The following WDR70 variants were observed in gnomAD, a reference collection of about 807,000 sequenced individuals.
WDR70 encodes the protein WD repeat-containing protein 70.
Under a neutral mutation model 88.6 loss-of-function variants are expected in WDR70, and 53 were observed. That is an observed-to-expected ratio of 0.60 (90% CI 0.48 to 0.75). The LOEUF (loss-of-function observed/expected upper bound fraction) is 0.75. Ranked by LOEUF, WDR70 falls within the 30% of genes least tolerant of loss-of-function variation. The probability of loss-of-function intolerance (pLI) is 0.00; values close to 1 mark genes in which losing one functional copy is unlikely to be tolerated. For missense variants in WDR70, 610 were observed against 823.2 expected (o/e 0.74, Z 3.17); for synonymous variants, 280 against 270.0 (o/e 1.04, Z -0.36).
At chr5:37,711,987 CTTTTTTTT>C (rs70978842) in intron 13 of WDR70, among the ~76,000 whole-genome samples, 5 of 104,004 alleles carry the variant, frequency 4.8e-5, no homozygotes, top group African/African-American at 7.5e-5. Flanking sequence ...TATATTTTTT[CTTTTTTTT>C]TTTTTTTTTT....
chr5:37,409,641 A>G (rs1292645455), intron 5 of WDR70, among the ~76,000 whole-genome samples: 1 of 151,686 alleles, frequency 6.6e-6, no homozygotes, highest in Non-Finnish European at 1.5e-5. Flanking sequence ...AGTAACTGGG[A>G]TTACAGGTGT....
In WDR70 at chr5:37,724,964, G is replaced by A. The variant is rs1318318832; in HGVS notation, c.1628G>A (p.Arg543His). ...PHALPMFREP[R>H]QRSTRKQLEK... is the part of the protein sequence containing the mutation. ...GCCTTGCCTATGTTCCGTGAGCCCC[G>A]CCAACGGAGTACAAGGAAACAGCTG... Residue 543 changes from arginine (R) to histidine (H), a missense_variant, in exon 16 of 18, where the codon CGC becomes CAC. Transcript: ENST00000265107. 9 of 1,613,456 alleles carry A rather than the reference G, an allele frequency of 5.6e-6. No individual in the cohort carries two copies. Among genetic ancestry groups the A allele is most frequent in the Non-Finnish European group, 7.6e-6 (9 of 1,179,710 alleles).
intron 8 of WDR70, among the ~76,000 whole-genome samples, chr5:37,487,623 ATGTATTTTT>A (rs1247189287): frequency 2.0e-3 from 37 of 18,600 alleles, no homozygotes; most frequent in East Asian, 6.3e-3. Flanking sequence ...ATATATATAT[ATGTATTTTT>A]TTTTTTTTTT....
intron 9 of WDR70, among the ~76,000 whole-genome samples, chr5:37,528,907 G>GTTTTTTTTTTTTTTTTTT: frequency 7.7e-6 from 1 of 130,710 alleles, no homozygotes; most frequent in Non-Finnish European, 1.6e-5. Context: ...GTCTAGAGGG[G>GTTTTTTTTTTTTTTTTTT]GTTTTTTTTT....
chr5:37,422,126 G>A (rs1357012065), intron 5 of WDR70, among the ~76,000 whole-genome samples: 2 of 152,136 alleles, frequency 1.3e-5, no homozygotes, highest in South Asian at 2.1e-4. Flanking sequence ...ATATTAATAA[G>A]TAATAAATGA....
At chr5:37,389,200 C>G (rs1333187973) in intron 3 of WDR70, among the ~76,000 whole-genome samples, 1 of 149,994 alleles carries the variant, frequency 6.7e-6, no homozygotes, top group Non-Finnish European at 1.5e-5. Flanking sequence ...TCAAGCGATT[C>G]TCCTGCCTCA....
At chr5:37,713,182 G>C (rs1747564892) in intron 13 of WDR70, among the ~76,000 whole-genome samples, 1 of 152,058 alleles carries the variant, frequency 6.6e-6, no homozygotes, top group Non-Finnish European at 1.5e-5. Context: ...ATCTCATTTG[G>C]GAAGTTACAG....
chr5:37,705,117 T>G (rs1296066380), intron 13 of WDR70, among the ~76,000 whole-genome samples: 1 of 152,156 alleles, frequency 6.6e-6, no homozygotes, highest in African/African-American at 2.4e-5. Flanking sequence ...TATGTTGAGC[T>G]TGAAATACCT....
At chr5:37,450,155 C>T (rs572229635) in intron 7 of WDR70, among the ~76,000 whole-genome samples, 1 of 152,202 alleles carries the variant, frequency 6.6e-6, no homozygotes, top group South Asian at 2.1e-4. Context: ...CATTGATGGG[C>T]ATTTGGGTTG....
intron 13 of WDR70, 138 bp from the exon 14 acceptor site, chr5:37,720,977 T>G: frequency 1.4e-6 from 1 of 715,120 alleles, no homozygotes; most frequent in Non-Finnish European, 2.4e-6. Context: ...CTTTATGGTT[T>G]AAAAGAAAAT....
At chr5:37,427,558 A>G (rs994969698) in intron 5 of WDR70, among the ~76,000 whole-genome samples, 4 of 152,050 alleles carry the variant, frequency 2.6e-5, no homozygotes, top group Non-Finnish European at 5.9e-5. Context: ...TAGGATTCTC[A>G]GTATGTAACT....
chr5:37,440,670 A>G (rs1258010443), intron 6 of WDR70, among the ~76,000 whole-genome samples: 3 of 152,148 alleles, frequency 2.0e-5, no homozygotes, highest in African/African-American at 4.8e-5. Flanking sequence ...CTATTTTTCT[A>G]ATTACCTCCT....
chr5:37,405,015 T>C (rs1300410382), intron 5 of WDR70, among the ~76,000 whole-genome samples: 1 of 152,178 alleles, frequency 6.6e-6, no homozygotes, highest in East Asian at 1.9e-4. Flanking sequence ...TCTGTTTTTA[T>C]GTTAGGCTTC....
At chr5:37,506,219 T>A in intron 8 of WDR70, 1 of 970,180 alleles carries the variant, frequency 1.0e-6, no homozygotes. Context: ...CTGACTTGGT[T>A]GGAGTTGCTA....
intron 17 of WDR70, among the ~76,000 whole-genome samples, chr5:37,744,034 C>G (rs974911289): frequency 6.6e-6 from 1 of 152,092 alleles, no homozygotes; most frequent in Non-Finnish European, 1.5e-5. Flanking sequence ...GGTTGGTGCC[C>G]CTCGAGGTTA....
chr5:37,503,751 G>GTA lies in WDR70; in HGVS notation c.841-12762_841-12761insAT, dbSNP rs1554144382. 3.6e-3 allele frequency among the ~76,000 whole-genome samples: 331 copies of GTA among 91,188 alleles called. 1 individual carries two copies. Among genetic ancestry groups the GTA allele is most frequent in the African/African-American group, 9.2e-3 (311 of 33,830 alleles). 59.8% of individuals were successfully genotyped at this position (91,188 alleles called of 152,430 possible). The stretch of plus-strand genomic sequence containing the variant: ...ATGAATCCACCTGGTCCTGAGTTTT[G>GTA]TTTTTTTTTTCTTGGTTGGCTATTT... On this transcript the variant is annotated intron_variant, in intron 8 of 17. Coordinates refer to ENST00000265107, the MANE Select transcript of WDR70 (RefSeq NM_018034.4).
chr5:37,711,987 C>CTTTTTTTTTTTTTTTTTT (rs70978842), intron 13 of WDR70, among the ~76,000 whole-genome samples: 1 of 104,022 alleles, frequency 9.6e-6, no homozygotes, highest in African/African-American at 3.7e-5. Context: ...TATATTTTTT[C>CTTTTTTTTTTTTTTTTTT]TTTTTTTTTT....
chr5:37,504,649 G>C (rs540776879), intron 8 of WDR70, among the ~76,000 whole-genome samples: 1 of 152,296 alleles, frequency 6.6e-6, no homozygotes, highest in African/African-American at 2.4e-5. Context: ...TTCTGAAGTT[G>C]CTCTCCTTCA....
intron 8 of WDR70, chr5:37,506,260 T>C (rs1740557281): frequency 3.2e-6 from 3 of 923,234 alleles, no homozygotes; most frequent in East Asian, 2.4e-5. Flanking sequence ...TTTCGAGATA[T>C]TGGTGAATGA....
Sources: gnomAD v4.1 joint callset for allele counts (sites outside exome capture counted in the v4.1 genomes callset) on GRCh38, gnomAD v4.1.1 for gene constraint, MANE v1.5 for transcripts, NCBI Gene and HGNC (gene_info 2026-07-23, HGNC 2026-07-21) for gene names.